Variants in CFAP90 observed in about 807,000 individuals in gnomAD.
CFAP90 encodes the protein cilia- and flagella-associated protein 90.
the CFAP90 span, among the ~76,000 whole-genome samples, chr5:7,845,528 TTC>T: frequency 2.0e-5 from 3 of 152,338 alleles, no homozygotes; most frequent in South Asian, 4.1e-4. Context: ...GGAAAGCGGA[TTC>T]TAAAACCAGT....
chr5:7,849,912 C>A, the CFAP90 span, among the ~76,000 whole-genome samples: 2 of 152,114 alleles, frequency 1.3e-5, no homozygotes, highest in South Asian at 4.1e-4. Flanking sequence ...CAGACAGACC[C>A]CAGAGGGAGC....
At chr5:7,844,757 C>G in the CFAP90 span, among the ~76,000 whole-genome samples, 56 of 152,190 alleles carry the variant, frequency 3.7e-4, no homozygotes, top group African/African-American at 1.2e-3. Flanking sequence ...AGCAACAGAA[C>G]TGAGTTCACC....
chr5:7,833,905 T>G, the CFAP90 span, among the ~76,000 whole-genome samples: 1 of 152,208 alleles, frequency 6.6e-6, no homozygotes, highest in Non-Finnish European at 1.5e-5. Flanking sequence ...TTGGGTGATG[T>G]TGGTGAAAAT....
the CFAP90 span, chr5:7,835,432 G>A: frequency 2.2e-3 from 3,615 of 1,607,504 alleles, 74 homozygotes; most frequent in East Asian, 0.045. Context: ...CTGTCATCTC[G>A]GTGCAACTTC....
chr5:7,831,702 G>A, the CFAP90 span: 1 of 720,088 alleles, frequency 1.4e-6, no homozygotes, highest in South Asian at 2.0e-5. Context: ...ACGTGTTCAT[G>A]TGTCCCACTG....
At chr5:7,839,475 A>G in the CFAP90 span, among the ~76,000 whole-genome samples, 1 of 152,272 alleles carries the variant, frequency 6.6e-6, no homozygotes, top group Non-Finnish European at 1.5e-5. Flanking sequence ...ACTCTGAAGA[A>G]GGAAGAATGG....
chr5:7,834,388 C>T, the CFAP90 span, among the ~76,000 whole-genome samples: 10 of 152,058 alleles, frequency 6.6e-5, no homozygotes, highest in African/African-American at 9.6e-5. Flanking sequence ...TTAAGCTAAG[C>T]GTTACTACAA....
the CFAP90 span, chr5:7,850,884 G>C: frequency 7.5e-7 from 1 of 1,330,832 alleles, no homozygotes; most frequent in African/African-American, 1.5e-5. Context: ...CCCGCGCCGG[G>C]CGGTAGTAGT....
the CFAP90 span, chr5:7,835,549 A>G: frequency 1.8e-6 from 2 of 1,083,164 alleles, no homozygotes; most frequent in Non-Finnish European, 2.8e-6. Flanking sequence ...AGGCTGGGTC[A>G]TTGAGGCCCG....
the CFAP90 span, among the ~76,000 whole-genome samples, chr5:7,850,284 T>C: frequency 6.7e-6 from 1 of 148,326 alleles, no homozygotes; most frequent in Non-Finnish European, 1.5e-5. Flanking sequence ...CTCCGCACGC[T>C]CCCACCCGGC....
the CFAP90 span, among the ~76,000 whole-genome samples, chr5:7,844,317 A>G: frequency 2.6e-5 from 4 of 152,240 alleles, no homozygotes; most frequent in Non-Finnish European, 5.9e-5. Context: ...AAAGCAGCAG[A>G]TAATCCAAAC....
At chr5:7,849,392 A>T in the CFAP90 span, among the ~76,000 whole-genome samples, 1 of 152,066 alleles carries the variant, frequency 6.6e-6, no homozygotes, top group African/African-American at 2.4e-5. Context: ...TAAGGGAACG[A>T]TCTCCTTCCC....
the CFAP90 span, among the ~76,000 whole-genome samples, chr5:7,843,860 G>A: frequency 2.7e-3 from 411 of 152,262 alleles, no homozygotes; most frequent in Middle Eastern, 0.02. Flanking sequence ...TGCAATATAT[G>A]TGTCCATATT....
the CFAP90 span, chr5:7,835,299 G>A: frequency 2.6e-6 from 2 of 762,026 alleles, no homozygotes; most frequent in South Asian, 1.7e-5. Flanking sequence ...GCCTAATAAA[G>A]TGAAGTGTAA....
chr5:7,850,903 T>A, the CFAP90 span: 27 of 1,357,922 alleles, frequency 2.0e-5, no homozygotes, highest in Non-Finnish European at 2.5e-5. Flanking sequence ...GTAGCTGTGC[T>A]CTTTGGGGTC....
At chr5:7,834,710 A>AAAAATAC in the CFAP90 span, among the ~76,000 whole-genome samples, 1 of 152,204 alleles carries the variant, frequency 6.6e-6, no homozygotes, top group Non-Finnish European at 1.5e-5. Context: ...GTTTAGATAC[A>AAAAATAC]AAAATACTTA....
At chr5:7,850,929 G>A in the CFAP90 span, 1 of 1,358,528 alleles carries the variant, frequency 7.4e-7, no homozygotes. Context: ...GCCGCGGCGG[G>A]ATGTAGCTGA....
chr5:7,833,820 A>T, the CFAP90 span, among the ~76,000 whole-genome samples: 1 of 152,226 alleles, frequency 6.6e-6, no homozygotes, highest in Non-Finnish European at 1.5e-5. Flanking sequence ...AAAACCTAAT[A>T]GAACTGAAAA....
At chr5:7,839,068 C>A in the CFAP90 span, among the ~76,000 whole-genome samples, 1 of 152,184 alleles carries the variant, frequency 6.6e-6, no homozygotes, top group South Asian at 2.1e-4. Context: ...AGGTGAAAGG[C>A]ACTTCTTACA....
Sources: gnomAD v4.1 joint callset for allele counts (sites outside exome capture counted in the v4.1 genomes callset) on GRCh38, gnomAD v4.1.1 for gene constraint, MANE v1.5 for transcripts, NCBI Gene and HGNC (gene_info 2026-07-23, HGNC 2026-07-21) for gene names.